Variants in ZCWPW1 observed in about 807,000 individuals in gnomAD.
The protein encoded by ZCWPW1 is zinc finger CW-type PWWP domain protein 1.
ZCWPW1 carries 56 observed loss-of-function variants against 81.3 expected under a neutral mutation model. The observed-to-expected ratio is 0.69, with a 90% CI of 0.56 to 0.86. The LOEUF (loss-of-function observed/expected upper bound fraction) is 0.86. Ranked by LOEUF, ZCWPW1 falls within the 40% of genes least tolerant of loss-of-function variation. The pLI, the probability that ZCWPW1 is intolerant of heterozygous loss-of-function variation, is 0.00. For missense variants in ZCWPW1, 650 were observed against 769.8 expected, an observed-to-expected ratio of 0.84 and a Z score of 1.84; for synonymous variants, 250 against 273.7, an observed-to-expected ratio of 0.91 and a Z score of 0.86.
chr7:100,414,161 T>C (rs1372459701), intron 8 of ZCWPW1, among the ~76,000 whole-genome samples: 1 of 152,248 alleles, frequency 6.6e-6, no homozygotes, highest in Non-Finnish European at 1.5e-5. Flanking sequence ...TATGTCATTA[T>C]AACAAGAGGA....
At chr7:100,419,550 A>G in intron 4 of ZCWPW1, 80 bp downstream of exon 4, 2 of 1,518,784 alleles carry the variant, frequency 1.3e-6, no homozygotes, top group Non-Finnish European at 1.8e-6. Flanking sequence ...CCCAGTGTGA[A>G]AAGACTCTGT....
chr7:100,418,227 A>C (rs779894248), intron 5 of ZCWPW1, among the ~76,000 whole-genome samples: 2 of 152,160 alleles, frequency 1.3e-5, no homozygotes, highest in Non-Finnish European at 2.9e-5. Context: ...ATCTCTAACC[A>C]CATGCAAAAT....
intron 8 of ZCWPW1, among the ~76,000 whole-genome samples, chr7:100,413,998 A>G (rs1242710048): frequency 1.3e-5 from 2 of 152,234 alleles, no homozygotes; most frequent in Non-Finnish European, 2.9e-5. Context: ...AAAGTTCTCA[A>G]CAAGCACATC....
chr7:100,408,749 T>G (rs571514541), intron 9 of ZCWPW1, 90 bp from the exon 10 acceptor site: 1 of 1,508,420 alleles, frequency 6.6e-7, no homozygotes, highest in Non-Finnish European at 8.9e-7. Flanking sequence ...AAGAAGGAAA[T>G]TGGTATATGC....
chr7:100,428,087 C>G (rs1049033012), intron 1 of ZCWPW1, among the ~76,000 whole-genome samples: 5 of 152,154 alleles, frequency 3.3e-5, no homozygotes, highest in Non-Finnish European at 7.3e-5. Flanking sequence ...AAAGTTTCTC[C>G]TCAGGCAACG....
chr7:100,417,518 GACCA>G (rs1174699819), intron 5 of ZCWPW1: 7 of 187,202 alleles, frequency 3.7e-5, no homozygotes, highest in Non-Finnish European at 7.7e-5. Flanking sequence ...AGGAGTTCAA[GACCA>G]GCCTGGGCAA....
chr7:100,402,189 C>T, intron 16 of ZCWPW1, 148 bp from the exon 17 acceptor site: 1 of 1,051,434 alleles, frequency 9.5e-7, no homozygotes, highest in South Asian at 1.6e-5. Context: ...GGCTCTTTTT[C>T]AACATCTTTT....
At chr7:100,410,941 T>C (rs529311445) in intron 8 of ZCWPW1, among the ~76,000 whole-genome samples, 4 of 152,322 alleles carry the variant, frequency 2.6e-5, no homozygotes, top group African/African-American at 9.6e-5. Context: ...TTCAGCTCCC[T>C]TTCCCACTGT....
chr7:100,420,737 T>C, intron 2 of ZCWPW1, 59 bp from the exon 3 acceptor site: 1 of 1,550,470 alleles, frequency 6.4e-7, no homozygotes, highest in Non-Finnish European at 8.8e-7. Context: ...TTAAACTTTC[T>C]GTCTACTTGG....
intron 1 of ZCWPW1, among the ~76,000 whole-genome samples, 194 bp from the exon 2 acceptor site, chr7:100,425,330 G>A (rs1480028787): frequency 6.6e-6 from 1 of 152,046 alleles, no homozygotes; most frequent in Non-Finnish European, 1.5e-5. Context: ...TTTAATAAGA[G>A]GGGCAAAGGC....
chr7:100,423,866 C>T (rs942198454), intron 2 of ZCWPW1, among the ~76,000 whole-genome samples: 7 of 152,028 alleles, frequency 4.6e-5, no homozygotes, highest in South Asian at 4.1e-4. Context: ...GTCAGGAGTT[C>T]GAGACCAGCC....
chr7:100,421,212 T>C (rs772842645), intron 2 of ZCWPW1, among the ~76,000 whole-genome samples: 6 of 152,170 alleles, frequency 3.9e-5, no homozygotes, highest in Non-Finnish European at 7.4e-5. Context: ...CCTAGAACCA[T>C]GTCCAGCCTA....
intron 15 of ZCWPW1, 70 bp downstream of exon 15, chr7:100,403,624 G>A (rs1412553472): frequency 7.0e-7 from 1 of 1,424,558 alleles, no homozygotes; most frequent in African/African-American, 1.4e-5. Context: ...AGGAGTTTGA[G>A]ACCAGCCTGG....
rs1795116463 is a variant in ZCWPW1 at position 100,415,823 on chromosome 7, G to A, written c.754+152C>T. 2.6e-5 allele frequency: 28 copies of A among 1,092,232 alleles called. 1 individual carries two copies. In the South Asian group the frequency reaches 4.0e-4, roughly 15 times the overall value. 67.7% of individuals were successfully genotyped at this position (1,092,232 alleles called of 1,614,324 possible). A position where few individuals can be genotyped will look rare whatever the true frequency, so the allele number is the denominator to read the frequency against. ...TATGTGAATAAATGACTGAATGAAT[G>A]AAATTATTCTTTCGGCAGCATATTC... On this transcript the variant is annotated intron_variant, in intron 8 of 17. Coordinates refer to ENST00000684423, the MANE Select transcript of ZCWPW1 (RefSeq NM_001386010.1).
At position 100,402,466 on chromosome 7, in the gene ZCWPW1, T is replaced by C. The variant is rs777966745; in HGVS notation, c.1474+50A>G. The C allele has an allele frequency of 3.7e-6, 6 of 1,600,604 alleles. No individual in the cohort carries two copies. In the South Asian group the frequency reaches 6.6e-5, roughly 18 times the overall value. On this transcript the variant is annotated intron_variant, in intron 16 of 17. Transcript: ENST00000684423. The stretch of plus-strand genomic sequence containing the variant: ...TACCTGCAGACTCCCTCTCTACCAC[T>C]TCCCTGCCTTAACTGTGGGTTGTGC...
rs553959765 is a variant in ZCWPW1, at chr7:100,417,574, C to T, written c.362-391G>A. Among the ~76,000 whole-genome samples the T allele has an allele frequency of 3.9e-5, 6 of 151,930 alleles. No homozygotes were observed. In the South Asian group the frequency reaches 1.3e-3, roughly 32 times the overall value. On this transcript the variant is annotated intron_variant, in intron 5 of 17. Coordinates refer to ENST00000684423, the MANE Select transcript of ZCWPW1 (RefSeq NM_001386010.1). ...CTCTACTAAAATACAAAAAATTTGC[C>T]AGGCACGGTGGCATGCACCTGTAGT...
chr7:100,410,929 C>T (rs1794028669), intron 8 of ZCWPW1, among the ~76,000 whole-genome samples: 1 of 152,232 alleles, frequency 6.6e-6, no homozygotes, highest in African/African-American at 2.4e-5. Flanking sequence ...CTTGTAGACA[C>T]CTTCAGCTCC....
At chr7:100,407,878 G>C (rs149862223) in intron 10 of ZCWPW1, among the ~76,000 whole-genome samples, 15 of 152,142 alleles carry the variant, frequency 9.9e-5, no homozygotes, top group African/African-American at 3.6e-4. Context: ...CAAAATCTTC[G>C]ACTAGAGACA....
intron 4 of ZCWPW1, 92 bp from the exon 5 acceptor site, chr7:100,419,281 TAA>T (rs1459020263): frequency 7.4e-6 from 8 of 1,082,044 alleles, no homozygotes; most frequent in Non-Finnish European, 1.1e-5. Context: ...GATGAGGCAG[TAA>T]GTTTATAAGA....
Sources: gnomAD v4.1 joint callset for allele counts (sites outside exome capture counted in the v4.1 genomes callset) on GRCh38, gnomAD v4.1.1 for gene constraint, MANE v1.5 for transcripts, NCBI Gene and HGNC (gene_info 2026-07-23, HGNC 2026-07-21) for gene names.